PSMA1: variants seen among roughly 807,000 people sequenced by gnomAD.
PSMA1 encodes the protein proteasome 20S subunit alpha 1, also known as proteasome subunit alpha type-1.
PSMA1 carries 3 observed loss-of-function variants against 38.4 expected under a neutral mutation model. That is an observed-to-expected ratio of 0.08 (90% confidence interval 0.04 to 0.20). The LOEUF is 0.20. Ranked by LOEUF, PSMA1 falls within the 10% of genes least tolerant of loss-of-function variation. The pLI is 1.00. For synonymous variants in PSMA1, 101 were observed against 107.1 expected, an observed-to-expected ratio of 0.94 and a Z score of 0.35; for missense variants, 227 against 325.3, an observed-to-expected ratio of 0.70 and a Z score of 2.32.
At chr11:14,610,818 A>C (rs1014226227) in intron 2 of PSMA1, 2 of 702,900 alleles carry the variant, frequency 2.8e-6, no homozygotes, top group Admixed American at 3.2e-5. Flanking sequence ...TCTTACACAG[A>C]CATTTTTCTT....
intron 1 of PSMA1, among the ~76,000 whole-genome samples, chr11:14,622,236 T>C (rs1463818030): frequency 1.3e-5 from 2 of 152,214 alleles, no homozygotes; most frequent in African/African-American, 4.8e-5. Flanking sequence ...GCAACTGATA[T>C]GATAAATACA....
chr11:14,632,172 A>C (rs1359272906), intron 1 of PSMA1, among the ~76,000 whole-genome samples: 12 of 142,652 alleles, frequency 8.4e-5, no homozygotes, highest in Admixed American at 4.8e-4. Flanking sequence ...TTACATTTAA[A>C]GTTAATATTG....
chr11:14,639,137 A>C (rs1448577922), intron 1 of PSMA1, among the ~76,000 whole-genome samples: 1 of 152,196 alleles, frequency 6.6e-6, no homozygotes, highest in Non-Finnish European at 1.5e-5. Flanking sequence ...TTCACAGCCA[A>C]AGAATTCAGG....
At chr11:14,561,280 C>T (rs1233952688) in intron 2 of PSMA1, among the ~76,000 whole-genome samples, 2 of 152,184 alleles carry the variant, frequency 1.3e-5, no homozygotes, top group Non-Finnish European at 2.9e-5. Flanking sequence ...CCTTCAATAT[C>T]CGTTGAACTG....
intron 4 of PSMA1, 114 bp downstream of exon 4, chr11:14,517,528 T>A: frequency 1.1e-6 from 1 of 880,186 alleles, no homozygotes; most frequent in South Asian, 2.0e-5. Flanking sequence ...TTCATAATCT[T>A]AATTTACAAG....
intron 2 of PSMA1, among the ~76,000 whole-genome samples, chr11:14,590,409 G>T (rs553381706): frequency 6.6e-6 from 1 of 152,212 alleles, no homozygotes; most frequent in South Asian, 2.1e-4. Context: ...GTTTTCAAAA[G>T]AGTCACAGGA....
At chr11:14,602,688 G>A (rs1169485191) in intron 2 of PSMA1, among the ~76,000 whole-genome samples, 1 of 152,124 alleles carries the variant, frequency 6.6e-6, no homozygotes, top group Non-Finnish European at 1.5e-5. Flanking sequence ...GGATGTGCAA[G>A]ACAAGAGGCT....
intron 2 of PSMA1, among the ~76,000 whole-genome samples, chr11:14,580,144 A>G (rs1172267862): frequency 6.6e-6 from 1 of 152,146 alleles, no homozygotes; most frequent in Non-Finnish European, 1.5e-5. Context: ...TTGAGATCTC[A>G]TTGGCTGTCT....
chr11:14,615,715 C>T (rs891326454), intron 1 of PSMA1, among the ~76,000 whole-genome samples: 3 of 152,164 alleles, frequency 2.0e-5, no homozygotes, highest in Admixed American at 2.0e-4. Context: ...GTTTCCTGTC[C>T]TGACTGGTCC....
intron 1 of PSMA1, among the ~76,000 whole-genome samples, chr11:14,616,299 C>G (rs1334773700): frequency 1.4e-5 from 2 of 142,708 alleles, no homozygotes; most frequent in Non-Finnish European, 3.0e-5. Flanking sequence ...ATGGTGCCAT[C>G]TTGGCTCACT....
intron 1 of PSMA1, among the ~76,000 whole-genome samples, chr11:14,629,581 T>C (rs1852971041): frequency 6.6e-6 from 1 of 152,208 alleles, no homozygotes; most frequent in Admixed American, 6.5e-5. Context: ...CCTTGTAGTA[T>C]AGTTTGAAGT....
chr11:14,640,203 A>T (rs1853181502), intron 1 of PSMA1, among the ~76,000 whole-genome samples: 2 of 152,172 alleles, frequency 1.3e-5, no homozygotes, highest in African/African-American at 4.8e-5. Flanking sequence ...GAAAGAGGAG[A>T]GAGATCAGAA....
At chr11:14,524,935 G>A (rs34055103), upstream of PSMA1, among the ~76,000 whole-genome samples, 25,179 of 152,026 alleles carry the variant, frequency 0.17, 2,302 homozygotes, top group African/African-American at 0.2. Context: ...CCCAGATCTC[G>A]GCTTAGCGGC....
intron 2 of PSMA1, among the ~76,000 whole-genome samples, chr11:14,549,858 T>C (rs1419051815): frequency 2.6e-5 from 4 of 152,148 alleles, no homozygotes; most frequent in Non-Finnish European, 5.9e-5. Flanking sequence ...TGTGAACAGA[T>C]TTTGCCCTGC....
At chr11:14,637,074 C>T (rs1853120636) in intron 1 of PSMA1, among the ~76,000 whole-genome samples, 1 of 152,282 alleles carries the variant, frequency 6.6e-6, no homozygotes, top group East Asian at 1.9e-4. Context: ...TTCCTTACCA[C>T]CTACAGAATA....
intron 8 of PSMA1, among the ~76,000 whole-genome samples, chr11:14,510,599 A>G (rs780150897): frequency 6.6e-6 from 1 of 152,204 alleles, no homozygotes; most frequent in Non-Finnish European, 1.5e-5. Context: ...ATATATATAT[A>G]TTTTTGTTAA....
intron 2 of PSMA1, among the ~76,000 whole-genome samples, chr11:14,518,374 C>T (rs1015510781): frequency 3.3e-5 from 5 of 152,154 alleles, no homozygotes; most frequent in African/African-American, 1.2e-4. Context: ...GCTGGGATTA[C>T]AGGCATGAGC....
chr11:14,539,332 C>T (rs556262768), intron 2 of PSMA1, among the ~76,000 whole-genome samples: 2 of 152,126 alleles, frequency 1.3e-5, no homozygotes, highest in African/African-American at 4.8e-5. Context: ...TATTATTATG[C>T]CTGTTGCCAA....
intron 4 of PSMA1, among the ~76,000 whole-genome samples, chr11:14,516,955 C>T (rs529980770): frequency 1.6e-4 from 24 of 152,100 alleles, no homozygotes; most frequent in Non-Finnish European, 2.9e-4. Context: ...TTAAAAATAG[C>T]CTTGATAAAG....
Sources: allele counts gnomAD v4.1 joint callset (sites outside exome capture counted in the v4.1 genomes callset), GRCh38; gene constraint gnomAD v4.1.1; transcripts MANE v1.5; gene names NCBI Gene and HGNC (gene_info 2026-07-23, HGNC 2026-07-21).